PCCA: variants seen among roughly 807,000 people sequenced by gnomAD.
PCCA encodes the protein propionyl-CoA carboxylase subunit alpha.
A neutral mutation model predicts 101.3 loss-of-function variants in PCCA; 74 were observed. The ratio of observed to expected loss-of-function variants is 0.73; its 90% CI spans 0.61 to 0.89. The LOEUF (loss-of-function observed/expected upper bound fraction) is 0.89, where lower values mean the gene tolerates loss of function less well. Ranked by LOEUF, PCCA falls within the 40% of genes least tolerant of loss-of-function variation. PCCA has a pLI of 0.00. For synonymous variants in PCCA, 294 were observed against 313.6 expected (o/e 0.94, Z 0.66); for missense variants, 891 against 907.0 (o/e 0.98, Z 0.23).
intron 20 of PCCA, among the ~76,000 whole-genome samples, chr13:100,445,432 G>A (rs2080757960): frequency 1.3e-5 from 2 of 152,146 alleles, no homozygotes; most frequent in Non-Finnish European, 2.9e-5. Context: ...TTCTGTATGT[G>A]AGGTACACTT....
intron 4 of PCCA, among the ~76,000 whole-genome samples, chr13:100,130,013 T>G (rs1376703684): frequency 6.6e-6 from 1 of 152,234 alleles, no homozygotes; most frequent in East Asian, 1.9e-4. Flanking sequence ...ACATTTGAAG[T>G]AGAGAGAGCT....
chr13:100,458,830 G>T (rs1411393694), intron 21 of PCCA, among the ~76,000 whole-genome samples: 3 of 152,064 alleles, frequency 2.0e-5, no homozygotes, highest in African/African-American at 7.2e-5. Context: ...GTATCTATCC[G>T]TTTTATTACT....
intron 18 of PCCA, among the ~76,000 whole-genome samples, chr13:100,346,900 G>A (rs1286915516): frequency 6.6e-6 from 1 of 151,814 alleles, no homozygotes; most frequent in Non-Finnish European, 1.5e-5. Context: ...TGGAGATGGA[G>A]TCTCGCTCTG....
At chr13:100,302,517 A>G (rs914990331) in intron 13 of PCCA, among the ~76,000 whole-genome samples, 3 of 152,112 alleles carry the variant, frequency 2.0e-5, no homozygotes, top group Admixed American at 2.0e-4. Flanking sequence ...AAGAACCCAA[A>G]TTCTCAAGTT....
intron 21 of PCCA, among the ~76,000 whole-genome samples, chr13:100,495,145 G>A (rs573010000): frequency 3.9e-5 from 6 of 151,908 alleles, no homozygotes; most frequent in Non-Finnish European, 5.9e-5. Flanking sequence ...CCGAGACCCC[G>A]CTAACCGTCC....
chr13:100,328,165 C>A (rs564052428), intron 16 of PCCA, among the ~76,000 whole-genome samples: 105 of 152,108 alleles, frequency 6.9e-4, no homozygotes, highest in Non-Finnish European at 9.9e-4. Context: ...GAGATCGAGA[C>A]CAACCTGGCC....
chr13:100,116,265 T>C (rs758408998), intron 4 of PCCA, among the ~76,000 whole-genome samples: 4 of 152,220 alleles, frequency 2.6e-5, no homozygotes, highest in Non-Finnish European at 4.4e-5. Context: ...GCTTTGTATG[T>C]TAATTTCACA....
intron 19 of PCCA, among the ~76,000 whole-genome samples, chr13:100,400,179 A>G (rs2077255690): frequency 6.6e-6 from 1 of 152,226 alleles, no homozygotes; most frequent in African/African-American, 2.4e-5. Flanking sequence ...TGATGGATAT[A>G]TAGAGGTTTA....
intron 16 of PCCA, among the ~76,000 whole-genome samples, chr13:100,319,990 C>G (rs546146680): frequency 1.3e-5 from 2 of 152,132 alleles, no homozygotes; most frequent in African/African-American, 2.4e-5. Flanking sequence ...TTGTTTGTGT[C>G]TTTTATTTTG....
intron 19 of PCCA, among the ~76,000 whole-genome samples, chr13:100,382,226 A>C (rs2076267829): frequency 6.6e-6 from 1 of 152,238 alleles, no homozygotes; most frequent in South Asian, 2.1e-4. Context: ...GTGGGAAGAG[A>C]GGGGAGCTGA....
intron 1 of PCCA, among the ~76,000 whole-genome samples, chr13:100,092,533 C>T (rs1057481174): frequency 2.0e-5 from 3 of 152,078 alleles, no homozygotes; most frequent in Admixed American, 6.6e-5. Context: ...CAGGCACGTA[C>T]GACCACACCT....
At position 100,366,475 on chromosome 13, in the gene PCCA, G is replaced by C. The variant is rs572012054; in HGVS notation, c.1644-1997G>C. On this transcript the variant is annotated intron_variant, in intron 18 of 23. Coordinates refer to ENST00000376285, the MANE Select transcript of PCCA (RefSeq NM_000282.4). ...AGATACAAAAATAAGGAATGATTTTGGTCTTTTAGGAGCCCACAGGACACT... is the reference window on the plus strand; with the variant it reads ...AGATACAAAAATAAGGAATGATTTTCGTCTTTTAGGAGCCCACAGGACACT... 2.0e-5 allele frequency among the ~76,000 whole-genome samples: 3 copies of C among 152,162 alleles called. No individual in the cohort carries two copies. In the South Asian group the frequency reaches 6.2e-4, roughly 32 times the overall value.
At chr13:100,091,387 C>G (rs1393746081) in intron 1 of PCCA, among the ~76,000 whole-genome samples, 1 of 152,076 alleles carries the variant, frequency 6.6e-6, no homozygotes, top group African/African-American at 2.4e-5. Context: ...TTTCTGTGTT[C>G]TTAGTACAAT....
intron 20 of PCCA, among the ~76,000 whole-genome samples, chr13:100,447,797 A>G (rs1250885806): frequency 6.6e-6 from 1 of 152,124 alleles, no homozygotes; most frequent in Non-Finnish European, 1.5e-5. Context: ...ACTTGGCAAT[A>G]TTTGCAGGTA....
At chr13:100,402,601 A>G (rs1411826492) in intron 19 of PCCA, among the ~76,000 whole-genome samples, 1 of 152,212 alleles carries the variant, frequency 6.6e-6, no homozygotes, top group African/African-American at 2.4e-5. Flanking sequence ...TGTTGAGATT[A>G]ATACAGTAAT....
chr13:100,197,391 C>T (rs1437434511), intron 6 of PCCA, among the ~76,000 whole-genome samples: 1 of 151,924 alleles, frequency 6.6e-6, no homozygotes, highest in East Asian at 1.9e-4. Context: ...AACAGGGCCC[C>T]ACTGTGTTGT....
At chr13:100,099,569 G>A (rs913125731) in intron 1 of PCCA, among the ~76,000 whole-genome samples, 5 of 151,872 alleles carry the variant, frequency 3.3e-5, no homozygotes, top group Admixed American at 6.6e-5. Flanking sequence ...CACCTGCCTC[G>A]GCCTCTCAAA....
intron 22 of PCCA, among the ~76,000 whole-genome samples, chr13:100,523,662 C>T (rs772572198): frequency 1.2e-4 from 18 of 152,176 alleles, no homozygotes; most frequent in Admixed American, 1.3e-4. Context: ...CGGATGCGAA[C>T]GTGAACCTTG....
In PCCA at chr13:100,309,862, G is replaced by A. The variant is rs2066768313; in HGVS notation, c.1383G>A (p.Glu461=). ...TCACATATGGCTCTGATAGAACTGA[G>A]GCACTGAAGAGAATGGCAGATGCAC... ...KLITYGSDRT[E]ALKRMADALD... The change falls in exon 16 of 24, where the codon GAG becomes GAA. Residue 461 remains glutamate (E), a synonymous_variant. Transcript: ENST00000376285. 2 of 1,613,238 alleles carry A rather than the reference G, an allele frequency of 1.2e-6. No homozygotes were observed.
Sources: gnomAD v4.1 joint callset for allele counts (sites outside exome capture counted in the v4.1 genomes callset) on GRCh38, gnomAD v4.1.1 for gene constraint, MANE v1.5 for transcripts, NCBI Gene and HGNC (gene_info 2026-07-23, HGNC 2026-07-21) for gene names.